Variants in ABCG2 observed in about 807,000 individuals in gnomAD.
ABCG2 encodes the protein broad substrate specificity ATP-binding cassette transporter ABCG2.
Under a neutral mutation model 73.5 loss-of-function variants are expected in ABCG2, and 80 were observed. That is an observed-to-expected ratio of 1.09 (90% CI 0.91 to 1.31). The LOEUF is 1.31. Among genes scored for constraint, ABCG2 ranks in the 50% most tolerant of loss-of-function variants. ABCG2 has a pLI of 0.00. For synonymous variants in ABCG2, 269 were observed against 282.4 expected (o/e 0.95, Z 0.48); for missense variants, 796 against 786.2 (o/e 1.01, Z -0.15).
intron 1 of ABCG2, among the ~76,000 whole-genome samples, chr4:88,143,924 C>T (rs17013881): frequency 0.048 from 7,346 of 152,156 alleles, 195 homozygotes; most frequent in South Asian, 0.075. Flanking sequence ...TCAAAGTGCC[C>T]GATCTCTAAT....
At chr4:88,148,782 T>C (rs1726238541) in intron 1 of ABCG2, among the ~76,000 whole-genome samples, 1 of 152,162 alleles carries the variant, frequency 6.6e-6, no homozygotes, top group Non-Finnish European at 1.5e-5. Flanking sequence ...TCATCCTTTT[T>C]AAGAGCACAG....
intron 6 of ABCG2, 57 bp downstream of exon 6, chr4:88,121,578 C>A (rs1225488439): frequency 6.6e-7 from 1 of 1,510,518 alleles, no homozygotes; most frequent in Non-Finnish European, 9.0e-7. Context: ...CCAAGAATAT[C>A]TGGGACATAG....
chr4:88,111,007 G>C (rs563665886), intron 9 of ABCG2, among the ~76,000 whole-genome samples: 1 of 152,304 alleles, frequency 6.6e-6, no homozygotes, highest in Non-Finnish European at 1.5e-5. Flanking sequence ...ATGAGGCAGG[G>C]AAGCTAAACC....
At chr4:88,112,379 T>C (rs1723196144) in intron 9 of ABCG2, among the ~76,000 whole-genome samples, 1 of 152,118 alleles carries the variant, frequency 6.6e-6, no homozygotes, top group South Asian at 2.1e-4. Context: ...TGACAGTAGG[T>C]GAAGGTTTCC....
At chr4:88,229,944 T>C (rs1288881844) in intron 1 of ABCG2, among the ~76,000 whole-genome samples, 2 of 151,464 alleles carry the variant, frequency 1.3e-5, no homozygotes, top group Non-Finnish European at 2.9e-5. Flanking sequence ...TTCTGAATGA[T>C]AGGAGAAAGA....
chr4:88,184,503 A>C (rs1414014736), intron 1 of ABCG2, among the ~76,000 whole-genome samples: 1 of 152,196 alleles, frequency 6.6e-6, no homozygotes, highest in East Asian at 1.9e-4. Context: ...CAAAGGAGTA[A>C]AATATCTTTA....
At chr4:88,219,375 A>C (rs1286563234) in intron 1 of ABCG2, among the ~76,000 whole-genome samples, 1 of 152,196 alleles carries the variant, frequency 6.6e-6, no homozygotes, top group East Asian at 1.9e-4. Context: ...GATAGCACGT[A>C]TAAAAAAGGT....
chr4:88,226,037 T>A (rs1018822321), intron 1 of ABCG2, among the ~76,000 whole-genome samples: 3 of 152,140 alleles, frequency 2.0e-5, no homozygotes, highest in Non-Finnish European at 4.4e-5. Context: ...CACATGGGAT[T>A]ATGGGAGCTA....
At chr4:88,123,638 C>G (rs1463951197) in intron 5 of ABCG2, among the ~76,000 whole-genome samples, 2 of 151,998 alleles carry the variant, frequency 1.3e-5, no homozygotes, top group East Asian at 3.9e-4. Flanking sequence ...AAGGAACAAA[C>G]AAAGCCTTCA....
intron 1 of ABCG2, among the ~76,000 whole-genome samples, chr4:88,217,754 T>C (rs973088124): frequency 2.0e-5 from 3 of 151,998 alleles, no homozygotes; most frequent in Non-Finnish European, 4.4e-5. Flanking sequence ...CAGCGGGGTC[T>C]CTTGAAGCCA....
intron 1 of ABCG2, among the ~76,000 whole-genome samples, chr4:88,146,934 G>A (rs1276614873): frequency 7.7e-6 from 1 of 130,498 alleles, no homozygotes; most frequent in Non-Finnish European, 1.6e-5. Flanking sequence ...AAGAAGGAAG[G>A]AAGGGAGGGA....
chr4:88,162,392 C>T (rs1312497253), upstream of ABCG2, among the ~76,000 whole-genome samples: 2 of 151,440 alleles, frequency 1.3e-5, no homozygotes, highest in Admixed American at 1.3e-4. Flanking sequence ...ACAATAGAGT[C>T]CTCACTTGAA....
intron 1 of ABCG2, among the ~76,000 whole-genome samples, chr4:88,174,172 A>G (rs1432477223): frequency 6.9e-6 from 1 of 145,056 alleles, no homozygotes; most frequent in African/African-American, 2.6e-5. Context: ...TTTTTATTTT[A>G]CTTTAAGTTC....
chr4:88,098,685 T>TAGATAGACAGAC (rs1273271669), intron 12 of ABCG2, among the ~76,000 whole-genome samples: 9 of 151,640 alleles, frequency 5.9e-5, no homozygotes, highest in South Asian at 2.1e-4. Context: ...GATAGATAGA[T>TAGATAGACAGAC]AGACAGATAG....
At chr4:88,221,557 T>G (rs1246711877) in intron 1 of ABCG2, among the ~76,000 whole-genome samples, 1 of 152,186 alleles carries the variant, frequency 6.6e-6, no homozygotes, top group Non-Finnish European at 1.5e-5. Flanking sequence ...TCCTGGAGAC[T>G]TTTTAAATGG....
In ABCG2 at chr4:88,121,793, C is replaced by T. The variant is rs1724012425; in HGVS notation, c.532-1G>A. The T allele has an allele frequency of 1.9e-6, 3 of 1,612,018 alleles. No homozygotes were observed. The highest frequency in any genetic ancestry group is 1.7e-6 in the Non-Finnish European group (2 of 1,179,298). On this transcript the variant is annotated splice_acceptor_variant, in intron 5 of 15. Coordinates refer to ENST00000237612, the MANE Select transcript of ABCG2 (RefSeq NM_004827.3). LOFTEE classifies it high-confidence loss of function. The stretch of plus-strand genomic sequence containing the variant: ...CACCACGGATAAACTGAGTTCCAAC[C>T]TAAATCACAAATATTATAATTGTCA...
intron 1 of ABCG2, among the ~76,000 whole-genome samples, chr4:88,200,047 C>G (rs896767523): frequency 6.6e-6 from 1 of 151,766 alleles, no homozygotes; most frequent in Admixed American, 6.6e-5. Flanking sequence ...ATAGAAGGCC[C>G]GGCATGGTGG....
chr4:88,222,697 G>T (rs1350058445), intron 1 of ABCG2, among the ~76,000 whole-genome samples: 1 of 152,172 alleles, frequency 6.6e-6, no homozygotes, highest in Non-Finnish European at 1.5e-5. Context: ...GGAAATGTGG[G>T]GTTGGAGCCC....
chr4:88,197,020 G>T (rs1728961069), intron 1 of ABCG2, among the ~76,000 whole-genome samples: 1 of 151,870 alleles, frequency 6.6e-6, no homozygotes, highest in Non-Finnish European at 1.5e-5. Flanking sequence ...AGTTTGAGGA[G>T]ACTGAGAGGC....
Sources: allele counts gnomAD v4.1 joint callset (sites outside exome capture counted in the v4.1 genomes callset), GRCh38; gene constraint gnomAD v4.1.1; transcripts MANE v1.5; gene names NCBI Gene and HGNC (gene_info 2026-07-23, HGNC 2026-07-21).